Variants in DNAJC9 observed in about 807,000 individuals in gnomAD.
DNAJC9 encodes DnaJ heat shock protein family (Hsp40) member C9.
Under a neutral mutation model 32.4 loss-of-function variants are expected in DNAJC9, and 18 were observed. That is an observed-to-expected ratio of 0.56 (90% CI 0.38 to 0.82). The LOEUF (loss-of-function observed/expected upper bound fraction) is 0.82, where lower values mean the gene tolerates loss of function less well. Among genes scored for constraint, DNAJC9 ranks in the 40% least tolerant of loss-of-function variants. The pLI is 0.00. For synonymous variants in DNAJC9, 113 were observed against 122.1 expected, an observed-to-expected ratio of 0.93 and a Z score of 0.49; for missense variants, 310 against 321.8, an observed-to-expected ratio of 0.96 and a Z score of 0.28.
intron 3 of DNAJC9, among the ~76,000 whole-genome samples, chr10:73,245,345 C>G (rs80251151): frequency 0.036 from 5,025 of 138,232 alleles, 133 homozygotes; most frequent in Non-Finnish European, 0.055. Flanking sequence ...TCCTGAACCA[C>G]CCCCCCAACT....
intron 3 of DNAJC9, chr10:73,244,588 T>C (rs918186954): frequency 6.6e-6 from 1 of 151,464 alleles, no homozygotes. Flanking sequence ...ATTTACTCCA[T>C]GGGACTGGTG....
downstream of DNAJC9, among the ~76,000 whole-genome samples, chr10:73,237,966 T>TAA (rs140492282): frequency 6.6e-6 from 1 of 151,272 alleles, no homozygotes; most frequent in African/African-American, 2.4e-5. Flanking sequence ...TTAAGTTTAT[T>TAA]AAAAAAAAAG....
At chr10:73,240,443 T>C (rs1313062696), downstream of DNAJC9, among the ~76,000 whole-genome samples, 1 of 152,202 alleles carries the variant, frequency 6.6e-6, no homozygotes, top group Admixed American at 6.5e-5. Flanking sequence ...CTGGGCGTGG[T>C]GGCTCATGCC....
In DNAJC9 at chr10:73,247,214, GGAAGCAGCCGCTCCCAGCT is replaced by G; in HGVS notation, c.-44_-26del. 1 of 1,575,758 alleles carries G rather than the reference GGAAGCAGCCGCTCCCAGCT, an allele frequency of 6.3e-7. No individual in the cohort carries two copies. ...TGCCGGGCGGAGATACGACCCCGGA[GGAAGCAGCCGCTCCCAGCT>G]GCGCCGGGTACAACCCAGGACTGCT... On this transcript the variant is annotated 5_prime_UTR_variant, in exon 1 of 5. Coordinates refer to ENST00000372950, the MANE Select transcript of DNAJC9 (RefSeq NM_015190.5).
rs1193000364 is a variant in DNAJC9, at chr10:73,246,194, T to C, written c.322-18A>G. 3.2e-6 allele frequency: 5 copies of C among 1,586,024 alleles called. No individual in the cohort carries two copies. The highest frequency in any genetic ancestry group is 4.3e-6 in the Non-Finnish European group (5 of 1,173,644). On this transcript the variant is annotated intron_variant, in intron 2 of 4. Transcript: ENST00000372950. ...AAAGATATCTGATGATAAAGGAGAT[T>C]TGCTTTAACTTTGGGAATTTTACTT...
downstream of DNAJC9, chr10:73,241,201 G>A (rs1008601188): frequency 2.1e-5 from 12 of 568,724 alleles, no homozygotes; most frequent in Admixed American, 3.3e-4. Context: ...CATGAGTGTT[G>A]TTTCTATCTC....
At chr10:73,233,466 G>T (rs1409192472) in intron 2 of DNAJC9, among the ~76,000 whole-genome samples, 2 of 152,076 alleles carry the variant, frequency 1.3e-5, no homozygotes, top group African/African-American at 2.4e-5. Flanking sequence ...AGCCTCTCAA[G>T]TAGCCGGGAC....
downstream of DNAJC9, among the ~76,000 whole-genome samples, chr10:73,240,535 AC>A (rs1425716193): frequency 9.9e-5 from 15 of 151,966 alleles, no homozygotes; most frequent in Non-Finnish European, 2.2e-4. Context: ...ACATGGTGAA[AC>A]CCCATCTCTA....
rs767584281 is a variant in DNAJC9, at chr10:73,247,242, T to A, written c.-53A>T. The A allele has an allele frequency of 4.5e-6, 7 of 1,552,044 alleles. No homozygotes were observed. The highest frequency in any genetic ancestry group is 2.4e-5 in the South Asian group (2 of 84,690). On this transcript the variant is annotated 5_prime_UTR_variant, in exon 1 of 5. Coordinates refer to ENST00000372950, the MANE Select transcript of DNAJC9 (RefSeq NM_015190.5). ...AGCAGCCGCTCCCAGCTGCGCCGGG[T>A]ACAACCCAGGACTGCTTCTTTTTCG...
chr10:73,233,043 A>G, intron 2 of DNAJC9: 2 of 1,551,704 alleles, frequency 1.3e-6, no homozygotes, highest in Non-Finnish European at 1.7e-6. Context: ...TCTCTGTCAT[A>G]CACAGTGCAG....
chr10:73,240,449 A>G (rs1279987660), downstream of DNAJC9, among the ~76,000 whole-genome samples: 10 of 152,336 alleles, frequency 6.6e-5, no homozygotes, highest in East Asian at 7.7e-4. Flanking sequence ...GTGGTGGCTC[A>G]TGCCTGTAAT....
chr10:73,239,382 C>T (rs1291447178), downstream of DNAJC9: 2 of 1,551,182 alleles, frequency 1.3e-6, no homozygotes, highest in African/African-American at 1.4e-5. Flanking sequence ...AGGGGATCTG[C>T]AGGTAAAGGT....
In DNAJC9 at chr10:73,246,181, T is replaced by A; in HGVS notation, c.322-5A>T. On this transcript the variant is annotated splice_polypyrimidine_tract_variant and splice_region_variant and intron_variant, in intron 2 of 4. Coordinates refer to ENST00000372950, the MANE Select transcript of DNAJC9 (RefSeq NM_015190.5). ...TTGAATGTCCTCTAAAGATATCTGA[T>A]GATAAAGGAGATTTGCTTTAACTTT... 1 of 1,593,164 alleles carries A rather than the reference T, an allele frequency of 6.3e-7. No homozygotes were observed. Among genetic ancestry groups the A allele is most frequent in the Non-Finnish European group, 8.5e-7 (1 of 1,175,322 alleles).
At chr10:73,245,215 G>A (rs2043992506) in intron 3 of DNAJC9, among the ~76,000 whole-genome samples, 1 of 152,044 alleles carries the variant, frequency 6.6e-6, no homozygotes, top group African/African-American at 2.4e-5. Context: ...CTTTCTCTCT[G>A]CCAGCGTCTC....
At chr10:73,246,935 G>A in intron 1 of DNAJC9, 75 bp downstream of exon 1, 2 of 1,577,100 alleles carry the variant, frequency 1.3e-6, no homozygotes, top group Non-Finnish European at 8.6e-7. Flanking sequence ...CGCTCCCCCG[G>A]GGCGGGGCCC....
At chr10:73,239,653 T>C (rs1210884190), downstream of DNAJC9, among the ~76,000 whole-genome samples, 1 of 125,568 alleles carries the variant, frequency 8.0e-6, no homozygotes. Context: ...GTAAACTGCC[T>C]TTTTTTTTTT....
downstream of DNAJC9, chr10:73,235,345 T>C: frequency 6.4e-7 from 1 of 1,550,622 alleles, no homozygotes; most frequent in Non-Finnish European, 8.7e-7. Context: ...CCTAGAATGG[T>C]CTTGATAGTT....
rs994474388 is a variant in DNAJC9 at position 73,242,363 on chromosome 10, A to G, written c.*1037T>C. ...ATCTCTATTGTTCTCACAAACCATT[A>G]CCATGAGTTCACTATAACAACTGGA... On this transcript the variant is annotated 3_prime_UTR_variant, in exon 5 of 5. Transcript: ENST00000372950. 3 of 152,196 alleles carry G rather than the reference A, an allele frequency of 2.0e-5. No homozygotes were observed. The highest frequency in any genetic ancestry group is 4.4e-5 in the Non-Finnish European group (3 of 68,030). 9.4% of individuals were successfully genotyped at this position (152,196 alleles called of 1,614,324 possible).
At position 73,243,191 on chromosome 10, in the gene DNAJC9, A is replaced by C; in HGVS notation, c.*209T>G. 1.8e-6 allele frequency: 1 copy of C among 540,834 alleles called. No individual in the cohort carries two copies. The highest frequency in any genetic ancestry group is 3.2e-6 in the Non-Finnish European group (1 of 307,946). The allele number at this position is 540,834 out of a possible 1,614,324, so 33.5% of individuals were successfully genotyped here. ...CCAAATGTCACCACCAAGTTCCTTCAGGTGAGACCTCACACAATGTCAAGT... is the reference window on the plus strand; with the variant it reads ...CCAAATGTCACCACCAAGTTCCTTCCGGTGAGACCTCACACAATGTCAAGT... On this transcript the variant is annotated 3_prime_UTR_variant, in exon 5 of 5. Transcript: ENST00000372950.
Sources: allele counts gnomAD v4.1 joint callset (sites outside exome capture counted in the v4.1 genomes callset), GRCh38; gene constraint gnomAD v4.1.1; transcripts MANE v1.5; gene names NCBI Gene and HGNC (gene_info 2026-07-23, HGNC 2026-07-21).